Variants in TTC29 observed in about 807,000 individuals in gnomAD.
TTC29 encodes tetratricopeptide repeat protein 29.
Under a neutral mutation model 58.1 loss-of-function variants are expected in TTC29, and 49 were observed. The ratio of observed to expected loss-of-function variants is 0.84; its 90% CI spans 0.67 to 1.07. The LOEUF (loss-of-function observed/expected upper bound fraction) is 1.07. Among genes scored for constraint, TTC29 ranks in the 50% least tolerant of loss-of-function variants. The pLI is 0.00. For synonymous variants in TTC29, 209 were observed against 196.8 expected (o/e 1.06, Z -0.52); for missense variants, 582 against 555.6 (o/e 1.05, Z -0.48).
intron 4 of TTC29, among the ~76,000 whole-genome samples, chr4:146,932,114 A>T (rs1337195726): frequency 1.3e-5 from 2 of 152,086 alleles, no homozygotes; most frequent in African/African-American, 2.4e-5. Context: ...CAATGCCAGA[A>T]TTTTTTCAAA....
intron 11 of TTC29, among the ~76,000 whole-genome samples, chr4:146,767,105 A>G (rs1747385324): frequency 6.6e-6 from 1 of 152,056 alleles, no homozygotes; most frequent in South Asian, 2.1e-4. Context: ...ATTTGACATG[A>G]GAAAAGAATG....
At chr4:146,876,764 G>A (rs533911449) in intron 6 of TTC29, among the ~76,000 whole-genome samples, 4 of 151,686 alleles carry the variant, frequency 2.6e-5, no homozygotes, top group Admixed American at 6.6e-5. Flanking sequence ...GTGAAGCTCC[G>A]TCTCTACTAA....
At chr4:146,889,056 C>T (rs1046057339) in intron 6 of TTC29, among the ~76,000 whole-genome samples, 18 of 152,184 alleles carry the variant, frequency 1.2e-4, no homozygotes, top group African/African-American at 4.3e-4. Context: ...CCAAGATATA[C>T]ATTCAACATC....
chr4:146,753,481 G>A (rs926740563), intron 11 of TTC29, among the ~76,000 whole-genome samples: 5 of 152,160 alleles, frequency 3.3e-5, no homozygotes, highest in African/African-American at 1.2e-4. Context: ...AACCATTGTG[G>A]AATTCGGTGT....
chr4:146,871,347 A>G (rs1197675671), intron 7 of TTC29, among the ~76,000 whole-genome samples: 1 of 151,968 alleles, frequency 6.6e-6, no homozygotes, highest in Non-Finnish European at 1.5e-5. Context: ...AATGTAGTAA[A>G]GGGCATCTAC....
intron 11 of TTC29, among the ~76,000 whole-genome samples, chr4:146,799,328 G>A (rs1039514280): frequency 6.6e-6 from 1 of 152,102 alleles, no homozygotes; most frequent in Non-Finnish European, 1.5e-5. Context: ...ACCAACAGAA[G>A]TAGCTGATTG....
intron 10 of TTC29, among the ~76,000 whole-genome samples, chr4:146,814,967 G>T (rs1470544797): frequency 6.6e-6 from 1 of 152,108 alleles, no homozygotes. Flanking sequence ...ATGGTGGAGT[G>T]GATAAAAAGG....
chr4:146,928,685 G>A (rs1018744023), intron 4 of TTC29, among the ~76,000 whole-genome samples: 2 of 152,024 alleles, frequency 1.3e-5, no homozygotes, highest in Non-Finnish European at 2.9e-5. Flanking sequence ...TTACTCCGTC[G>A]GTAAACTCTG....
At chr4:146,792,087 G>C (rs1749498939) in intron 11 of TTC29, among the ~76,000 whole-genome samples, 1 of 152,230 alleles carries the variant, frequency 6.6e-6, no homozygotes, top group African/African-American at 2.4e-5. Flanking sequence ...AAGTTATCCA[G>C]AAGATCTAGC....
At chr4:146,914,731 T>C (rs1734106619) in intron 4 of TTC29, among the ~76,000 whole-genome samples, 1 of 152,176 alleles carries the variant, frequency 6.6e-6, no homozygotes, top group Non-Finnish European at 1.5e-5. Context: ...AAGCATTTCA[T>C]ATGGGTTTTA....
At chr4:146,716,090 CT>C (rs1208905816) in intron 11 of TTC29, among the ~76,000 whole-genome samples, 26 of 152,106 alleles carry the variant, frequency 1.7e-4, no homozygotes, top group Admixed American at 4.6e-4. Context: ...ATCAACATCT[CT>C]CGAATCTGAA....
At chr4:146,793,926 C>T (rs1436535742) in intron 11 of TTC29, among the ~76,000 whole-genome samples, 1 of 152,080 alleles carries the variant, frequency 6.6e-6, no homozygotes, top group South Asian at 2.1e-4. Context: ...AATGAGACAG[C>T]AGAAACAACT....
chr4:146,934,937 T>C (rs73852800), intron 4 of TTC29, among the ~76,000 whole-genome samples: 11,370 of 151,896 alleles, frequency 0.075, 1,448 homozygotes, highest in African/African-American at 0.26. Flanking sequence ...GAGGCAAAAA[T>C]GAAATGTGAA....
At chr4:146,899,261 G>C (rs952295) in intron 6 of TTC29, among the ~76,000 whole-genome samples, 1 of 152,240 alleles carries the variant, frequency 6.6e-6, no homozygotes, top group East Asian at 1.9e-4. Flanking sequence ...AGGAGGAGCT[G>C]GTGTTTCCCC....
At chr4:146,916,039 T>C (rs1463367797) in intron 4 of TTC29, among the ~76,000 whole-genome samples, 1 of 151,922 alleles carries the variant, frequency 6.6e-6, no homozygotes, top group East Asian at 1.9e-4. Flanking sequence ...ATGGTAGGGA[T>C]AAATGTTACT....
intron 11 of TTC29, among the ~76,000 whole-genome samples, chr4:146,754,366 A>C (rs759746936): frequency 6.6e-6 from 1 of 152,078 alleles, no homozygotes; most frequent in Non-Finnish European, 1.5e-5. Flanking sequence ...AAATTCTCGC[A>C]AACATACAAA....
intron 9 of TTC29, among the ~76,000 whole-genome samples, chr4:146,829,008 G>A (rs565060294): frequency 6.6e-6 from 1 of 152,286 alleles, no homozygotes; most frequent in South Asian, 2.1e-4. Context: ...ATTTGTATAA[G>A]TTAAAGGACA....
intron 11 of TTC29, among the ~76,000 whole-genome samples, chr4:146,794,235 T>C (rs780993270): frequency 6.6e-6 from 1 of 152,156 alleles, no homozygotes; most frequent in African/African-American, 2.4e-5. Context: ...TATTTGGCCA[T>C]CTATATTTTT....
chr4:146,812,679 T>G (rs1751103056), intron 10 of TTC29: 1 of 152,226 alleles, frequency 6.6e-6, no homozygotes, highest in Non-Finnish European at 1.5e-5. Context: ...TACCAGTTTT[T>G]CTAGTTTCTC....
Sources: gnomAD v4.1 joint callset for allele counts (sites outside exome capture counted in the v4.1 genomes callset) on GRCh38, gnomAD v4.1.1 for gene constraint, MANE v1.5 for transcripts, NCBI Gene and HGNC (gene_info 2026-07-23, HGNC 2026-07-21) for gene names.